The following SH2D4B variants were observed in gnomAD, a reference collection of about 807,000 sequenced individuals.
SH2D4B encodes the protein SH2 domain-containing protein 4B.
In SH2D4B, 45 loss-of-function variants were observed where a neutral mutation model predicts 61.5. That is an observed-to-expected ratio of 0.73 (90% CI 0.58 to 0.94). The LOEUF is 0.94. Ranked by LOEUF, SH2D4B falls within the 40% of genes least tolerant of loss-of-function variation. SH2D4B has a pLI of 0.00. For missense variants in SH2D4B, 572 were observed against 574.2 expected (o/e 1.00, Z 0.04); for synonymous variants, 224 against 220.4 (o/e 1.02, Z -0.14).
At chr10:80,568,232 G>A (rs115070676) in intron 1 of SH2D4B, among the ~76,000 whole-genome samples, 1,644 of 152,174 alleles carry the variant, frequency 0.011, 30 homozygotes, top group African/African-American at 0.038. Context: ...AATCATGCAA[G>A]GGTTTTATTA....
Position 80,552,377 on chromosome 10 carries a change from G to A in SH2D4B, c.184+13862G>A, listed in dbSNP as rs139412125. On this transcript the variant is annotated intron_variant, in intron 1 of 7. Transcript: ENST00000646907. Reference sequence around the variant, plus strand: ...GCATGGAGGGAGGTGCCTCTCCTGCGCTACTTCAGGACTCCAGCTGGTGGA... The same window carrying A: ...GCATGGAGGGAGGTGCCTCTCCTGCACTACTTCAGGACTCCAGCTGGTGGA... Among the ~76,000 whole-genome samples, 585 of 152,256 alleles carry A rather than the reference G, an allele frequency of 3.8e-3. 5 individuals carry two copies. Among genetic ancestry groups the A allele is most frequent in the African/African-American group, 0.014 (565 of 41,544 alleles).
chr10:80,613,560 T>C (rs1010155658), intron 6 of SH2D4B, among the ~76,000 whole-genome samples: 2 of 152,246 alleles, frequency 1.3e-5, no homozygotes, highest in African/African-American at 2.4e-5. Context: ...ATTATCTCCA[T>C]GTGACCCTGC....
intron 6 of SH2D4B, 100 bp downstream of exon 6, chr10:80,609,651 C>T: frequency 2.6e-6 from 4 of 1,554,444 alleles, no homozygotes; most frequent in Non-Finnish European, 3.5e-6. Flanking sequence ...AATCAGGGGG[C>T]AGAGGACTTT....
Position 80,570,805 on chromosome 10 carries a change from T to A in SH2D4B, c.347+489T>A, listed in dbSNP as rs558594743. ...GGGTTGTTTACCATTTTTTATATTATAAAAATAATCTGACAAGCATCTTTT... is the reference window on the plus strand; with the variant it reads ...GGGTTGTTTACCATTTTTTATATTAAAAAAATAATCTGACAAGCATCTTTT... On this transcript the variant is annotated intron_variant, in intron 2 of 7. Coordinates refer to ENST00000646907, the MANE Select transcript of SH2D4B (RefSeq NM_001388272.1). 1.2e-4 allele frequency among the ~76,000 whole-genome samples: 19 copies of A among 152,338 alleles called. 1 individual carries two copies. Among genetic ancestry groups the A allele is most frequent in the African/African-American group, 4.1e-4 (17 of 41,592 alleles).
At chr10:80,589,219 G>T (rs866629764) in intron 4 of SH2D4B, among the ~76,000 whole-genome samples, 9 of 152,132 alleles carry the variant, frequency 5.9e-5, no homozygotes, top group Non-Finnish European at 8.8e-5. Flanking sequence ...GGCCAGGCTG[G>T]TCTCAAACTC....
chr10:80,610,028 C>T (rs1842576940), intron 6 of SH2D4B, among the ~76,000 whole-genome samples: 1 of 152,128 alleles, frequency 6.6e-6, no homozygotes, highest in Non-Finnish European at 1.5e-5. Context: ...CTTGAAAGTC[C>T]CTCCTTGCTC....
chr10:80,582,832 C>T (rs1213404438), intron 3 of SH2D4B, among the ~76,000 whole-genome samples: 1 of 152,150 alleles, frequency 6.6e-6, no homozygotes, highest in Non-Finnish European at 1.5e-5. Context: ...TGCTTGCAGC[C>T]TGCTCCCCTC....
At chr10:80,544,372 GC>G (rs1841636599) in intron 1 of SH2D4B, among the ~76,000 whole-genome samples, 1 of 152,168 alleles carries the variant, frequency 6.6e-6, no homozygotes, top group Admixed American at 6.5e-5. Flanking sequence ...CGGATACACC[GC>G]TTTTAAGAGC....
chr10:80,637,075 GT>G (rs879332424), intron 7 of SH2D4B, among the ~76,000 whole-genome samples: 17 of 152,116 alleles, frequency 1.1e-4, no homozygotes, highest in Non-Finnish European at 2.5e-4. Context: ...TTTTTGTCAG[GT>G]TTGTCAAAGA....
At chr10:80,635,590 G>C (rs1842888494) in intron 7 of SH2D4B, among the ~76,000 whole-genome samples, 1 of 152,170 alleles carries the variant, frequency 6.6e-6, no homozygotes, top group South Asian at 2.1e-4. Flanking sequence ...TGAGTGTGGA[G>C]TACTGCCTGG....
At chr10:80,632,436 T>C (rs1039043269) in intron 6 of SH2D4B, among the ~76,000 whole-genome samples, 7 of 152,196 alleles carry the variant, frequency 4.6e-5, no homozygotes, top group Admixed American at 4.6e-4. Context: ...ACAATAAAGA[T>C]ACTTGTTTAA....
intron 6 of SH2D4B, among the ~76,000 whole-genome samples, chr10:80,633,312 A>G (rs1222973333): frequency 1.3e-5 from 2 of 152,234 alleles, no homozygotes; most frequent in Non-Finnish European, 2.9e-5. Flanking sequence ...AACAGATGCT[A>G]ACAGGATCCA....
intron 6 of SH2D4B, among the ~76,000 whole-genome samples, chr10:80,627,748 G>A (rs774852468): frequency 1.3e-4 from 20 of 151,454 alleles, no homozygotes; most frequent in Non-Finnish European, 2.4e-4. Context: ...TTTGGGGCCC[G>A]GCTTCTAGAT....
chr10:80,640,948 T>C (rs1051609565), intron 7 of SH2D4B, among the ~76,000 whole-genome samples: 3 of 152,192 alleles, frequency 2.0e-5, no homozygotes, highest in African/African-American at 7.2e-5. Context: ...TTGGTTGCAA[T>C]ATTGGTGACC....
intron 4 of SH2D4B, among the ~76,000 whole-genome samples, chr10:80,600,610 A>G (rs1428646445): frequency 6.6e-6 from 1 of 151,976 alleles, no homozygotes; most frequent in East Asian, 1.9e-4. Context: ...GGCACTTCTC[A>G]GGGCCTTACC....
intron 4 of SH2D4B, among the ~76,000 whole-genome samples, chr10:80,593,222 A>G (rs144765818): frequency 6.6e-6 from 1 of 152,234 alleles, no homozygotes; most frequent in African/African-American, 2.4e-5. Flanking sequence ...CAGCTTGTCA[A>G]TTGTTGCAAT....
Position 80,539,114 on chromosome 10 carries a change from A to C in SH2D4B, c.184+599A>C, listed in dbSNP as rs771984190. Among the ~76,000 whole-genome samples the C allele has an allele frequency of 1.8e-4, 28 of 152,238 alleles. 1 individual carries two copies. The highest frequency in any genetic ancestry group is 6.5e-5 in the Admixed American group (1 of 15,288). On this transcript the variant is annotated intron_variant, in intron 1 of 7. Transcript: ENST00000646907. The surrounding 1 kb of genome is among the most constrained non-coding windows in gnomAD (Gnocchi z 4.9). ...CCCCAAATGGTCGTAGCAACTGCAG[A>C]TGAGAAGCAAGGGCCTAGCCTACAT... is the stretch of plus-strand genomic sequence containing the variant.
At chr10:80,557,013 TATG>T (rs1257624823) in intron 1 of SH2D4B, among the ~76,000 whole-genome samples, 1 of 152,178 alleles carries the variant, frequency 6.6e-6, no homozygotes, top group East Asian at 1.9e-4. Flanking sequence ...GGTCATTAAG[TATG>T]ATGTTAACTG....
At chr10:80,575,538 A>G (rs1356051181) in intron 3 of SH2D4B, among the ~76,000 whole-genome samples, 8 of 152,162 alleles carry the variant, frequency 5.3e-5, no homozygotes. Context: ...AGGCGGGTGG[A>G]TCACTTGAGG....
Sources: allele counts gnomAD v4.1 joint callset (sites outside exome capture counted in the v4.1 genomes callset), GRCh38; gene constraint gnomAD v4.1.1; non-coding constraint Gnocchi (gnomAD v3.1); transcripts MANE v1.5; gene names NCBI Gene and HGNC (gene_info 2026-07-23, HGNC 2026-07-21).